The following SCAMP2 variants were observed in gnomAD, a reference collection of about 807,000 sequenced individuals.
The protein encoded by SCAMP2 is secretory carrier membrane protein 2, also known as secretory carrier-associated membrane protein 2.
SCAMP2 carries 25 observed loss-of-function variants against 44.1 expected under a neutral mutation model. The ratio of observed to expected loss-of-function variants is 0.57; its 90% CI spans 0.41 to 0.79. SCAMP2 has a LOEUF of 0.79. Among genes scored for constraint, SCAMP2 ranks in the 30% least tolerant of loss-of-function variants. The probability of loss-of-function intolerance (pLI) is 0.00; values close to 1 mark genes in which losing one functional copy is unlikely to be tolerated. For synonymous variants in SCAMP2, 156 were observed against 166.0 expected (o/e 0.94, Z 0.46); for missense variants, 355 against 411.0 (o/e 0.86, Z 1.18).
chr15:74,847,638 G>A (rs1233751795), intron 7 of SCAMP2, among the ~76,000 whole-genome samples: 2 of 152,224 alleles, frequency 1.3e-5, no homozygotes, highest in Non-Finnish European at 2.9e-5. Context: ...GCCAGAGGGA[G>A]GGGACCAAAA....
intron 6 of SCAMP2, among the ~76,000 whole-genome samples, chr15:74,849,547 C>A (rs1166290905): frequency 6.6e-6 from 1 of 152,158 alleles, no homozygotes; most frequent in Non-Finnish European, 1.5e-5. Context: ...AGTTCAAGAC[C>A]AGCCTGGCCA....
At chr15:74,852,514 T>C (rs991497090) in intron 3 of SCAMP2, 6 of 235,986 alleles carry the variant, frequency 2.5e-5, no homozygotes, top group Non-Finnish European at 4.9e-5. Flanking sequence ...TCAGTGATTG[T>C]GACCTTTGGG....
chr15:74,848,063 T>C (rs1053847699), intron 7 of SCAMP2, among the ~76,000 whole-genome samples: 1 of 149,080 alleles, frequency 6.7e-6, no homozygotes, highest in Non-Finnish European at 1.5e-5. Flanking sequence ...CAAGGGAAGA[T>C]AGTGTCTTTT....
At chr15:74,860,587 C>G (rs902294598) in intron 1 of SCAMP2, among the ~76,000 whole-genome samples, 1 of 150,830 alleles carries the variant, frequency 6.6e-6, no homozygotes, top group Admixed American at 6.7e-5. Flanking sequence ...ACTTGGAAGG[C>G]TGAGGCAGGA....
intron 1 of SCAMP2, among the ~76,000 whole-genome samples, chr15:74,866,921 C>T (rs1257082996): frequency 5.3e-5 from 8 of 152,140 alleles, no homozygotes; most frequent in East Asian, 1.9e-4. Flanking sequence ...CTCAGCCTCC[C>T]GAGTAGCTGG....
chr15:74,863,109 C>CTGAGG (rs1197545159), intron 1 of SCAMP2, among the ~76,000 whole-genome samples: 1 of 151,800 alleles, frequency 6.6e-6, no homozygotes, highest in Non-Finnish European at 1.5e-5. Context: ...TTTTGGGAGG[C>CTGAGG]TGAGGTGGAC....
At chr15:74,854,904 A>C (rs2064458516) in intron 1 of SCAMP2, among the ~76,000 whole-genome samples, 1 of 150,216 alleles carries the variant, frequency 6.7e-6, no homozygotes. Flanking sequence ...GAGAGTACAC[A>C]CCACACAGGC....
In SCAMP2 at chr15:74,844,206, G is replaced by GC. The variant is rs2064366943; in HGVS notation, c.*876_*877insG. On this transcript the variant is annotated 3_prime_UTR_variant, in exon 9 of 9. Transcript: ENST00000268099. Reference sequence around the variant, plus strand: ...GCAGCCGTCCCTCGGTTCGGGGAGGGGGGGGGGTAGTCACAGCAAACAGGG... The same window carrying GC: ...GCAGCCGTCCCTCGGTTCGGGGAGGGCGGGGGGGTAGTCACAGCAAACAGGG... 1 of 151,012 alleles carries GC rather than the reference G, an allele frequency of 6.6e-6. No individual in the cohort carries two copies. Among genetic ancestry groups the GC allele is most frequent in the Non-Finnish European group, 1.5e-5 (1 of 67,790 alleles). The allele number at this position is 151,012 out of a possible 1,614,324, so 9.4% of individuals were successfully genotyped here. A position where few individuals can be genotyped will look rare whatever the true frequency, so the allele number is the denominator to read the frequency against.
At chr15:74,849,413 A>G (rs1483291621) in intron 6 of SCAMP2, among the ~76,000 whole-genome samples, 2 of 151,898 alleles carry the variant, frequency 1.3e-5, no homozygotes, top group Non-Finnish European at 2.9e-5. Flanking sequence ...GCGCCATTGC[A>G]CTCCAGCCTG....
rs1204794664 is a variant in SCAMP2, at chr15:74,873,272, C to A, written c.-17G>T. On this transcript the variant is annotated 5_prime_UTR_variant, in exon 1 of 9. Transcript: ENST00000268099. ...AGCCGACATGGTGATCGGGGGCCAG[C>A]GGGCGAACTCCGCGAACGCTGCTGC... 1.0e-5 allele frequency: 15 copies of A among 1,478,002 alleles called. No individual in the cohort carries two copies. The highest frequency in any genetic ancestry group is 1.3e-5 in the Non-Finnish European group (15 of 1,118,768). 91.6% of individuals were successfully genotyped at this position (1,478,002 alleles called of 1,614,324 possible).
intron 7 of SCAMP2, among the ~76,000 whole-genome samples, chr15:74,847,811 C>T (rs934676503): frequency 4.4e-4 from 67 of 152,158 alleles, no homozygotes; most frequent in Non-Finnish European, 1.0e-4. Flanking sequence ...TCAAACCAGC[C>T]GTATGCTCAA....
intron 1 of SCAMP2, among the ~76,000 whole-genome samples, chr15:74,857,742 G>A (rs938150735): frequency 6.6e-6 from 1 of 152,142 alleles, no homozygotes; most frequent in Non-Finnish European, 1.5e-5. Flanking sequence ...TTAAAGACAT[G>A]GCCTTGGACT....
chr15:74,865,380 CAAAAAA>C (rs71140104), intron 1 of SCAMP2, among the ~76,000 whole-genome samples: 5 of 108,754 alleles, frequency 4.6e-5, no homozygotes, highest in Non-Finnish European at 7.1e-5. Context: ...GACTTTGTCT[CAAAAAA>C]AAAAAAAAGA....
intron 6 of SCAMP2, among the ~76,000 whole-genome samples, chr15:74,850,306 C>T (rs1404627155): frequency 6.6e-6 from 1 of 152,192 alleles, no homozygotes; most frequent in Non-Finnish European, 1.5e-5. Flanking sequence ...GGACAGGGCC[C>T]AGAGCAGACC....
At chr15:74,868,623 A>T (rs915325266) in intron 1 of SCAMP2, among the ~76,000 whole-genome samples, 11 of 151,972 alleles carry the variant, frequency 7.2e-5, no homozygotes, top group African/African-American at 2.7e-4. Context: ...GCTCACTGCA[A>T]CCTCCACCTC....
intron 6 of SCAMP2, among the ~76,000 whole-genome samples, chr15:74,849,213 C>A (rs1289617750): frequency 6.6e-6 from 1 of 152,148 alleles, no homozygotes; most frequent in African/African-American, 2.4e-5. Flanking sequence ...AAGTAAATCT[C>A]TTAATAATAA....
intron 6 of SCAMP2, among the ~76,000 whole-genome samples, chr15:74,849,111 C>T (rs2064418005): frequency 1.3e-5 from 2 of 151,904 alleles, no homozygotes; most frequent in Non-Finnish European, 2.9e-5. Context: ...GGAGTACTTG[C>T]GTTTCATAAC....
intron 7 of SCAMP2, among the ~76,000 whole-genome samples, chr15:74,848,256 A>G (rs1472878512): frequency 1.3e-5 from 2 of 151,930 alleles, no homozygotes; most frequent in Admixed American, 6.6e-5. Flanking sequence ...TTTGGTAGAG[A>G]CAAGGTCTTC....
At position 74,850,615 on chromosome 15, in the gene SCAMP2, G is replaced by A. The variant is rs778016242; in HGVS notation, c.531C>T (p.Asn177=). ...GGCCAAAGTCCACTCCCTTGGAGCT[G>A]TTGCCCGAGAACCAGGCCAGGCAGG... ...LLACLAWFSG[N]SSKGVDFGLS... Residue 177 remains asparagine (N), a synonymous_variant, in exon 6 of 9, where the codon AAC becomes AAT. Coordinates refer to ENST00000268099, the MANE Select transcript of SCAMP2 (RefSeq NM_005697.5). 3 of 1,614,154 alleles carry A rather than the reference G, an allele frequency of 1.9e-6. No individual in the cohort carries two copies. The highest frequency in any genetic ancestry group is 1.7e-6 in the Non-Finnish European group (2 of 1,179,998).
Sources: gnomAD v4.1 joint callset for allele counts (sites outside exome capture counted in the v4.1 genomes callset) on GRCh38, gnomAD v4.1.1 for gene constraint, MANE v1.5 for transcripts, NCBI Gene and HGNC (gene_info 2026-07-23, HGNC 2026-07-21) for gene names.